The following DDX21 variants were observed in gnomAD, a reference collection of about 807,000 sequenced individuals.
The protein encoded by DDX21 is nucleolar RNA helicase 2.
A neutral mutation model predicts 90.0 loss-of-function variants in DDX21; 18 were observed. The observed-to-expected ratio is 0.20, with a 90% confidence interval of 0.14 to 0.30. The LOEUF (loss-of-function observed/expected upper bound fraction) is 0.30. DDX21 is among the 10% of genes least tolerant of loss of function. DDX21 has a pLI of 1.00. For synonymous variants in DDX21, 294 were observed against 318.0 expected (o/e 0.92, Z 0.80); for missense variants, 673 against 944.5 (o/e 0.71, Z 3.77).
Position 68,968,962 on chromosome 10 carries a change from C to T in DDX21, c.1091-14C>T, listed in dbSNP as rs1589285794. On this transcript the variant is annotated splice_polypyrimidine_tract_variant and intron_variant, in intron 6 of 14. Coordinates refer to ENST00000354185, the MANE Select transcript of DDX21 (RefSeq NM_004728.4). ...GATTATTCATACTGACTTTTTTTTT[C>T]CCCCTCCTCAAAGATTCTGAAGACA... is the stretch of plus-strand genomic sequence containing the variant. 10 of 1,594,372 alleles carry T rather than the reference C, an allele frequency of 6.3e-6. No homozygotes were observed. The Admixed American group carries it at 9.1e-5, about 15-fold the overall frequency.
intron 2 of DDX21, among the ~76,000 whole-genome samples, chr10:68,961,482 C>G (rs1023760745): frequency 4.6e-5 from 7 of 152,112 alleles, no homozygotes; most frequent in African/African-American, 1.4e-4. Flanking sequence ...GTATATGCAT[C>G]TATTATTTTT....
intron 1 of DDX21, chr10:68,956,684 C>A (rs2132076115): frequency 2.8e-6 from 3 of 1,069,148 alleles, no homozygotes; most frequent in Non-Finnish European, 3.4e-6. Context: ...TCAGGCTCCA[C>A]GTTGTTGGCT....
intron 6 of DDX21, among the ~76,000 whole-genome samples, chr10:68,968,214 G>A (rs1564627452): frequency 1.3e-5 from 2 of 151,668 alleles, no homozygotes; most frequent in African/African-American, 4.8e-5. Context: ...CTGTCACTCA[G>A]GCTATAGTAC....
intron 1 of DDX21, among the ~76,000 whole-genome samples, chr10:68,958,605 T>G (rs2132077705): frequency 6.6e-6 from 1 of 152,088 alleles, no homozygotes; most frequent in South Asian, 2.1e-4. Flanking sequence ...CCTGGCTAAT[T>G]TTTTTGTACT....
chr10:68,967,269 G>A, intron 6 of DDX21, 66 bp downstream of exon 6: 1 of 1,497,790 alleles, frequency 6.7e-7, no homozygotes, highest in Non-Finnish European at 9.0e-7. Context: ...TGTCTCCTGG[G>A]TTCAAGTGAC....
In DDX21 at chr10:68,964,508, G is replaced by A. The variant is rs148683044; in HGVS notation, c.787-869G>A. ...CTCCCAAGTAGCTGGGATTACAGGC[G>A]TGTACCACCATGCCTGGCTAATTTT... is the stretch of plus-strand genomic sequence containing the variant. On this transcript the variant is annotated intron_variant, in intron 4 of 14. Coordinates refer to ENST00000354185, the MANE Select transcript of DDX21 (RefSeq NM_004728.4). Among the ~76,000 whole-genome samples the A allele has an allele frequency of 5.2e-3, 791 of 152,146 alleles. 5 individuals are homozygous for A. Among genetic ancestry groups the A allele is most frequent in the Non-Finnish European group, 8.0e-3 (544 of 67,980 alleles).
Position 68,967,099 on chromosome 10 carries a change from A to T in DDX21, c.986A>T (p.Asp329Val). ...GACCACATACAGAATGGCAAACTAG[A>T]TCTCACCAAACTTAAGCATGTTGTC... ...IKDHIQNGKL[D>V]LTKLKHVVLD... Residue 329 changes from aspartate (D) to valine (V), a missense_variant, in exon 6 of 15, where the codon GAT becomes GTT. Physicochemically the swap from Asp to Val is radical, Grantham distance 152. Coordinates refer to ENST00000354185, the MANE Select transcript of DDX21 (RefSeq NM_004728.4). 1.2e-6 allele frequency: 2 copies of T among 1,612,666 alleles called. No individual in the cohort carries two copies. The highest frequency in any genetic ancestry group is 1.7e-6 in the Non-Finnish European group (2 of 1,179,672).
At chr10:68,956,672 A>G in intron 1 of DDX21, 1 of 1,088,618 alleles carries the variant, frequency 9.2e-7, no homozygotes, top group South Asian at 2.7e-5. Flanking sequence ...TTGGACCTTC[A>G]GTCAGGCTCC....
intron 11 of DDX21, among the ~76,000 whole-genome samples, chr10:68,975,046 C>T (rs763195639): frequency 7.9e-5 from 12 of 152,180 alleles, no homozygotes; most frequent in African/African-American, 1.4e-4. Context: ...TGGATACCCT[C>T]GTTTCTACTC....
intron 4 of DDX21, 92 bp from the exon 5 acceptor site, chr10:68,965,285 G>T (rs981332338): frequency 2.1e-6 from 2 of 959,228 alleles, no homozygotes; most frequent in Non-Finnish European, 3.2e-6. Context: ...CCTTGTTCAA[G>T]TCGTTCTTTT....
chr10:68,964,168 G>A (rs1268023963), intron 4 of DDX21: 1 of 403,092 alleles, frequency 2.5e-6, no homozygotes, highest in Admixed American at 3.2e-5. Flanking sequence ...AAAACGCCAA[G>A]CCCCCATATT....
chr10:68,981,338 A>G (rs1187844500), intron 13 of DDX21, among the ~76,000 whole-genome samples, 199 bp from the exon 14 acceptor site: 1 of 152,168 alleles, frequency 6.6e-6, no homozygotes, highest in African/African-American at 2.4e-5. Flanking sequence ...CTTTTTTTCA[A>G]TGTTCCTTGT....
chr10:68,979,202 T>G (rs908213306), intron 13 of DDX21, among the ~76,000 whole-genome samples: 1 of 152,234 alleles, frequency 6.6e-6, no homozygotes, highest in Non-Finnish European at 1.5e-5. Context: ...ATCCAGCTGC[T>G]TCCCTGACAT....
intron 12 of DDX21, 29 bp downstream of exon 12, chr10:68,977,717 T>A: frequency 1.3e-6 from 2 of 1,581,966 alleles, no homozygotes; most frequent in Non-Finnish European, 1.7e-6. Flanking sequence ...TTCCTGACAC[T>A]TCATAATTTG....
chr10:68,982,553 A>G lies in DDX21; in HGVS notation c.2093A>G (p.His698Arg), dbSNP rs778743031. 1.9e-5 allele frequency: 30 copies of G among 1,605,230 alleles called. No individual in the cohort carries two copies. Among genetic ancestry groups the G allele is most frequent in the Non-Finnish European group, 2.4e-5 (28 of 1,172,634 alleles). The stretch of plus-strand genomic sequence containing the variant: ...ACATTCTCTCAACAGGAGAAATGGC[A>G]TGATTCACGACGCTGGCAGCTCTCT... ...ASVTEIQEKW[H>R]DSRRWQLSVA... The change falls in exon 15 of 15, where the codon CAT (histidine) becomes CGT (arginine). Residue 698 changes from histidine (H) to arginine (R), a missense_variant. By Grantham distance (29) the His-to-Arg change is conservative (BLOSUM62 0). Transcript: ENST00000354185.
At chr10:68,959,381 G>A (rs1842842408) in intron 1 of DDX21, among the ~76,000 whole-genome samples, 1 of 151,904 alleles carries the variant, frequency 6.6e-6, no homozygotes, top group African/African-American at 2.4e-5. Context: ...GTAGTCCCAG[G>A]TACTCGGGAG....
chr10:68,978,794 G>A, intron 12 of DDX21, 48 bp from the exon 13 acceptor site: 1 of 1,574,900 alleles, frequency 6.3e-7, no homozygotes, highest in Non-Finnish European at 8.6e-7. Flanking sequence ...TTATCAATTA[G>A]GTTTATTTTC....
At chr10:68,971,831 A>C in intron 8 of DDX21, 60 bp from the exon 9 acceptor site, 3 of 1,548,572 alleles carry the variant, frequency 1.9e-6, no homozygotes, top group Non-Finnish European at 1.8e-6. Flanking sequence ...TAACTGATGA[A>C]GAGAAAAAGT....
intron 8 of DDX21, among the ~76,000 whole-genome samples, chr10:68,970,734 C>T (rs555099653): frequency 2.0e-5 from 3 of 152,008 alleles, no homozygotes; most frequent in Non-Finnish European, 4.4e-5. Flanking sequence ...CTCACTGAAA[C>T]CTCCGCTTCT....
Sources: allele counts gnomAD v4.1 joint callset (sites outside exome capture counted in the v4.1 genomes callset), GRCh38; gene constraint gnomAD v4.1.1; transcripts MANE v1.5; gene names NCBI Gene and HGNC (gene_info 2026-07-23, HGNC 2026-07-21).